The following FSTL4 variants were observed in gnomAD, a reference collection of about 807,000 sequenced individuals.
FSTL4 encodes the protein follistatin like 4.
A neutral mutation model predicts 78.2 loss-of-function variants in FSTL4; 28 were observed. That is an observed-to-expected ratio of 0.36 (90% CI 0.27 to 0.49). The LOEUF is 0.49. Among genes scored for constraint, FSTL4 ranks in the 20% least tolerant of loss-of-function variants. FSTL4 has a pLI of 0.98. For synonymous variants in FSTL4, 422 were observed against 440.5 expected (o/e 0.96, Z 0.53); for missense variants, 922 against 1,084.9 (o/e 0.85, Z 2.11).
At chr5:133,684,071 G>A in the FSTL4 span, among the ~76,000 whole-genome samples, 1 of 152,208 alleles carries the variant, frequency 6.6e-6, no homozygotes, top group Non-Finnish European at 1.5e-5. Flanking sequence ...TTTTATCACC[G>A]ACTTAATGCC....
At chr5:133,558,893 GA>G (rs1424091609) in intron 3 of FSTL4, among the ~76,000 whole-genome samples, 1 of 152,178 alleles carries the variant, frequency 6.6e-6, no homozygotes, top group African/African-American at 2.4e-5. Context: ...CCAATCAGGA[GA>G]GAGAGTGTTG....
the FSTL4 span, among the ~76,000 whole-genome samples, chr5:133,750,734 G>C: frequency 6.6e-6 from 1 of 152,186 alleles, no homozygotes; most frequent in African/African-American, 2.4e-5. Context: ...CCCCAGATGT[G>C]GGATCCACTG....
chr5:133,278,330 C>A (rs1329311165), intron 6 of FSTL4, among the ~76,000 whole-genome samples: 1 of 152,178 alleles, frequency 6.6e-6, no homozygotes, highest in Non-Finnish European at 1.5e-5. Flanking sequence ...CTCTCAGCTC[C>A]CCAGGCCCTC....
intron 4 of FSTL4, among the ~76,000 whole-genome samples, chr5:133,353,808 G>A (rs758235528): frequency 2.0e-5 from 3 of 152,228 alleles, no homozygotes; most frequent in Non-Finnish European, 2.9e-5. Context: ...TGTTCACCAC[G>A]GGCCTCTGGG....
At chr5:133,244,396 G>GTGGTGGC (rs1751972102) in intron 7 of FSTL4, 2 of 152,320 alleles carry the variant, frequency 1.3e-5, no homozygotes. Context: ...CCTCCTCAAG[G>GTGGTGGC]ACTGAGGTGA....
intron 4 of FSTL4, among the ~76,000 whole-genome samples, chr5:133,358,233 C>G (rs113334649): frequency 6.6e-6 from 1 of 152,184 alleles, no homozygotes; most frequent in African/African-American, 2.4e-5. Context: ...CTTAACTTCA[C>G]CTGCAAAGTC....
At chr5:133,757,168 C>T in the FSTL4 span, among the ~76,000 whole-genome samples, 1 of 152,136 alleles carries the variant, frequency 6.6e-6, no homozygotes, top group Non-Finnish European at 1.5e-5. Context: ...ATGGTCTAAT[C>T]CAGTGAGCTT....
the FSTL4 span, among the ~76,000 whole-genome samples, chr5:133,694,238 C>T: frequency 1.3e-5 from 2 of 152,242 alleles, no homozygotes; most frequent in Non-Finnish European, 2.9e-5. Flanking sequence ...CCAAAGGGTG[C>T]TGCCTCTGGA....
chr5:133,348,702 A>T (rs1754754248), intron 4 of FSTL4, among the ~76,000 whole-genome samples: 1 of 152,200 alleles, frequency 6.6e-6, no homozygotes, highest in Non-Finnish European at 1.5e-5. Flanking sequence ...CAGAACTCAT[A>T]GCCGGCTACC....
At chr5:133,563,401 G>A (rs1410008648) in intron 3 of FSTL4, among the ~76,000 whole-genome samples, 1 of 152,148 alleles carries the variant, frequency 6.6e-6, no homozygotes, top group African/African-American at 2.4e-5. Context: ...AGAGGTTCAG[G>A]GCATCAGAGA....
At chr5:133,778,111 T>G in the FSTL4 span, among the ~76,000 whole-genome samples, 1 of 152,108 alleles carries the variant, frequency 6.6e-6, no homozygotes, top group Non-Finnish European at 1.5e-5. Flanking sequence ...GTCCTTGGGG[T>G]CACTGATGTG....
At chr5:133,311,623 A>T (rs1753787567) in intron 6 of FSTL4, among the ~76,000 whole-genome samples, 1 of 152,142 alleles carries the variant, frequency 6.6e-6, no homozygotes, top group Admixed American at 6.5e-5. Context: ...AAGAGATGTC[A>T]CTCTGAAGCA....
chr5:133,313,634 G>C (rs147675599), intron 5 of FSTL4, among the ~76,000 whole-genome samples: 1 of 151,918 alleles, frequency 6.6e-6, no homozygotes, highest in African/African-American at 2.4e-5. Context: ...ATTTTGGTGT[G>C]GGGGGAGGGG....
the FSTL4 span, among the ~76,000 whole-genome samples, chr5:133,807,527 C>G: frequency 3.9e-5 from 6 of 152,324 alleles, no homozygotes; most frequent in Admixed American, 1.3e-4. Context: ...TTTCAGGAAG[C>G]CTGTCATGCT....
chr5:133,697,885 G>C, the FSTL4 span, among the ~76,000 whole-genome samples: 1 of 150,240 alleles, frequency 6.7e-6, no homozygotes, highest in Non-Finnish European at 1.5e-5. Flanking sequence ...TACTCCCCCA[G>C]TGTCTGTCCC....
At chr5:133,658,309 T>C in the FSTL4 span, among the ~76,000 whole-genome samples, 1 of 152,164 alleles carries the variant, frequency 6.6e-6, no homozygotes, top group Non-Finnish European at 1.5e-5. Context: ...AACAGTGTGC[T>C]CTTGATTTCG....
intron 3 of FSTL4, among the ~76,000 whole-genome samples, chr5:133,450,655 T>C (rs998409462): frequency 6.6e-6 from 1 of 152,286 alleles, no homozygotes; most frequent in Non-Finnish European, 1.5e-5. Flanking sequence ...TAAGTGCAGC[T>C]GTCCTGAGCG....
chr5:133,229,829 C>T (rs1751436695), intron 8 of FSTL4, among the ~76,000 whole-genome samples: 2 of 151,996 alleles, frequency 1.3e-5, no homozygotes, highest in African/African-American at 4.8e-5. Flanking sequence ...GGCAATGTCA[C>T]ACATAGAAGT....
chr5:133,325,694 A>G (rs1388740932), intron 4 of FSTL4, among the ~76,000 whole-genome samples: 1 of 152,142 alleles, frequency 6.6e-6, no homozygotes, highest in Non-Finnish European at 1.5e-5. Flanking sequence ...GAAACCACAT[A>G]GTAACCAGCC....
Sources: gnomAD v4.1 joint callset for allele counts (sites outside exome capture counted in the v4.1 genomes callset) on GRCh38, gnomAD v4.1.1 for gene constraint, MANE v1.5 for transcripts, NCBI Gene and HGNC (gene_info 2026-07-23, HGNC 2026-07-21) for gene names.